Variants in CDK19 observed in about 807,000 individuals in gnomAD.
CDK19 encodes cyclin-dependent kinase 19.
A neutral mutation model predicts 68.3 loss-of-function variants in CDK19; 20 were observed. That is an observed-to-expected ratio of 0.29 (90% CI 0.21 to 0.43). The LOEUF is 0.43. Ranked by LOEUF, CDK19 falls within the 20% of genes least tolerant of loss-of-function variation. The pLI is 1.00. For synonymous variants in CDK19, 221 were observed against 222.8 expected, an observed-to-expected ratio of 0.99 and a Z score of 0.07; for missense variants, 339 against 623.5, an observed-to-expected ratio of 0.54 and a Z score of 4.86.
At position 110,623,869 on chromosome 6, in the gene CDK19, GTATA is replaced by G. The variant is rs1167368076; in HGVS notation, c.861-511_861-508del. Among the ~76,000 whole-genome samples the G allele has an allele frequency of 1.7e-4, 19 of 114,632 alleles. No individual in the cohort carries two copies. The East Asian group carries it at 5.1e-3, about 31-fold the overall frequency. The allele number at this position is 114,632 out of a possible 152,430, so 75.2% of individuals were successfully genotyped here. ...ATATATACATATATATACATATATA[GTATA>G]TATACGTATATATATATGTGTGTGT... On this transcript the variant is annotated intron_variant, in intron 8 of 12. Coordinates refer to ENST00000368911, the MANE Select transcript of CDK19 (RefSeq NM_015076.5).
chr6:110,718,464 T>C (rs893824466), intron 2 of CDK19, among the ~76,000 whole-genome samples: 1 of 152,112 alleles, frequency 6.6e-6, no homozygotes, highest in Non-Finnish European at 1.5e-5. Context: ...AGGAAGCTTG[T>C]TGTATGTCCT....
At chr6:110,674,641 G>A (rs953866297) in intron 2 of CDK19, among the ~76,000 whole-genome samples, 1 of 152,140 alleles carries the variant, frequency 6.6e-6, no homozygotes, top group South Asian at 2.1e-4. Context: ...GGTGGCTCAC[G>A]CCTATAATCC....
intron 5 of CDK19, among the ~76,000 whole-genome samples, chr6:110,634,530 G>A (rs1405343597): frequency 6.6e-6 from 1 of 152,076 alleles, no homozygotes; most frequent in Admixed American, 6.6e-5. Flanking sequence ...TAGTGATTTT[G>A]TTTCTTTGGA....
intron 2 of CDK19, among the ~76,000 whole-genome samples, chr6:110,740,411 A>G (rs1414478620): frequency 6.6e-6 from 1 of 152,230 alleles, no homozygotes; most frequent in Non-Finnish European, 1.5e-5. Context: ...CTGTTGTGGC[A>G]TAATGTAAAG....
intron 2 of CDK19, among the ~76,000 whole-genome samples, chr6:110,739,322 G>C (rs1777476120): frequency 6.6e-6 from 1 of 152,092 alleles, no homozygotes; most frequent in Non-Finnish European, 1.5e-5. Context: ...GGAGACACAG[G>C]GAGAAGACAG....
chr6:110,615,014 A>C (rs1272207885), intron 12 of CDK19, among the ~76,000 whole-genome samples: 1 of 152,228 alleles, frequency 6.6e-6, no homozygotes, highest in South Asian at 2.1e-4. Context: ...AAACAAGAAT[A>C]ATCAATTTGG....
intron 2 of CDK19, among the ~76,000 whole-genome samples, chr6:110,687,584 C>A (rs995392361): frequency 1.3e-5 from 2 of 152,146 alleles, no homozygotes; most frequent in South Asian, 4.1e-4. Flanking sequence ...AAACTGGGTA[C>A]GTGTTATGAG....
intron 1 of CDK19, chr6:110,814,595 G>A (rs1468156972): frequency 4.3e-6 from 2 of 460,902 alleles, no homozygotes; most frequent in Non-Finnish European, 4.3e-6. Context: ...GCGCTCAGCC[G>A]ATTGGAAGTT....
intron 4 of CDK19, among the ~76,000 whole-genome samples, chr6:110,639,975 G>A (rs914757903): frequency 4.6e-5 from 7 of 152,160 alleles, no homozygotes; most frequent in African/African-American, 1.7e-4. Context: ...GACTTTGGGA[G>A]ACCGAGGCGG....
chr6:110,797,111 G>A (rs2115094224), intron 1 of CDK19, among the ~76,000 whole-genome samples: 2 of 152,048 alleles, frequency 1.3e-5, no homozygotes, highest in African/African-American at 4.8e-5. Flanking sequence ...GGAGGCCAAG[G>A]TGGGTGGATC....
At chr6:110,672,998 T>C (rs764633147) in intron 2 of CDK19, among the ~76,000 whole-genome samples, 10 of 152,310 alleles carry the variant, frequency 6.6e-5, no homozygotes, top group East Asian at 1.9e-4. Flanking sequence ...CCACTACTTA[T>C]ACTAGTTCAA....
At chr6:110,687,699 A>C (rs1388181111) in intron 2 of CDK19, among the ~76,000 whole-genome samples, 5 of 152,338 alleles carry the variant, frequency 3.3e-5, no homozygotes, top group African/African-American at 1.2e-4. Context: ...ATTTCCACTA[A>C]GAGTGATAAC....
At position 110,614,020 on chromosome 6, in the gene CDK19, GT is replaced by G. The variant is rs1301997853; in HGVS notation, c.*514del. 6.5e-6 allele frequency: 1 copy of G among 152,710 alleles called. No individual in the cohort carries two copies. Among genetic ancestry groups the G allele is most frequent in the Non-Finnish European group, 1.5e-5 (1 of 68,100 alleles). The allele number at this position is 152,710 out of a possible 1,614,324, so 9.5% of individuals were successfully genotyped here. Reference sequence around the variant, plus strand: ...AGTAAAGTACTTTGGGACAGTAACAGTTTCTGTTTAAGACTTCCATGAGCAG... The same window carrying G: ...AGTAAAGTACTTTGGGACAGTAACAGTTCTGTTTAAGACTTCCATGAGCAG... On this transcript the variant is annotated 3_prime_UTR_variant, in exon 13 of 13. Transcript: ENST00000368911.
chr6:110,808,552 TTGC>T (rs1218957446), intron 1 of CDK19, among the ~76,000 whole-genome samples: 6 of 152,214 alleles, frequency 3.9e-5, no homozygotes, highest in Non-Finnish European at 7.3e-5. Context: ...CAGAAAAAGT[TTGC>T]TGATCACTGC....
intron 2 of CDK19, among the ~76,000 whole-genome samples, chr6:110,720,369 G>A (rs1357021300): frequency 6.6e-6 from 1 of 152,068 alleles, no homozygotes; most frequent in African/African-American, 2.4e-5. Flanking sequence ...GTGGCTCGTG[G>A]AGCTTCTCCC....
rs1248387972 is a variant in CDK19 at position 110,723,313 on chromosome 6, A to T, written c.204+22813T>A. Reference sequence around the variant, plus strand: ...AAACTATTTTGGCCCCCAGGAGTCAAGTGTGTCAATCTCAACTTTCCAGTC... The same window carrying T: ...AAACTATTTTGGCCCCCAGGAGTCATGTGTGTCAATCTCAACTTTCCAGTC... On this transcript the variant is annotated intron_variant, in intron 2 of 12. Transcript: ENST00000368911. Among the ~76,000 whole-genome samples, 4 of 152,236 alleles carry T rather than the reference A, an allele frequency of 2.6e-5. No homozygotes were observed. In the East Asian group the frequency reaches 7.7e-4, roughly 29 times the overall value.
rs534057486 is a variant in CDK19, at chr6:110,621,759, A to G, written c.1110+329T>C. On this transcript the variant is annotated intron_variant, in intron 11 of 12. Coordinates refer to ENST00000368911, the MANE Select transcript of CDK19 (RefSeq NM_015076.5). The surrounding 1 kb of genome is among the most constrained non-coding windows in gnomAD (Gnocchi z 5.4). The stretch of plus-strand genomic sequence containing the variant: ...GAGAGTGAGCCAATATATCCAGTTA[A>G]GACGAAAGAACAGAGTGATGCTAGC... Among the ~76,000 whole-genome samples, 1 of 152,334 alleles carries G rather than the reference A, an allele frequency of 6.6e-6. No individual in the cohort carries two copies. Among genetic ancestry groups the G allele is most frequent in the African/African-American group, 2.4e-5 (1 of 41,572 alleles).
chr6:110,775,104 G>A (rs1780306102), intron 1 of CDK19, among the ~76,000 whole-genome samples: 1 of 151,560 alleles, frequency 6.6e-6, no homozygotes, highest in African/African-American at 2.4e-5. Flanking sequence ...AATTAGCTGG[G>A]TGTGGTGGCA....
intron 2 of CDK19, among the ~76,000 whole-genome samples, chr6:110,701,059 C>A (rs1008182549): frequency 2.0e-5 from 3 of 151,814 alleles, no homozygotes; most frequent in Non-Finnish European, 4.4e-5. Context: ...AAAAACTTAG[C>A]CAGGCGTGGT....
Sources: allele counts gnomAD v4.1 joint callset (sites outside exome capture counted in the v4.1 genomes callset), GRCh38; gene constraint gnomAD v4.1.1; non-coding constraint Gnocchi (gnomAD v3.1); transcripts MANE v1.5; gene names NCBI Gene and HGNC (gene_info 2026-07-23, HGNC 2026-07-21).